The following PKP4 variants were observed in gnomAD, a reference collection of about 807,000 sequenced individuals.
The protein encoded by PKP4 is plakophilin 4.
In PKP4, 90 loss-of-function variants were observed where a neutral mutation model predicts 145.1. The observed-to-expected ratio is 0.62, with a 90% CI of 0.52 to 0.74. The LOEUF (loss-of-function observed/expected upper bound fraction) is 0.74. PKP4 is among the 30% of genes least tolerant of loss of function. PKP4 has a pLI of 0.00. For missense variants in PKP4, 1,340 were observed against 1,482.7 expected, an observed-to-expected ratio of 0.90 and a Z score of 1.58; for synonymous variants, 563 against 577.2, an observed-to-expected ratio of 0.98 and a Z score of 0.35.
chr2:158,658,669 T>C (rs1435385955), intron 12 of PKP4: 1 of 183,108 alleles, frequency 5.5e-6, no homozygotes, highest in Non-Finnish European at 1.1e-5. Context: ...CAAAATGTGA[T>C]GGTTAAAACC....
intron 1 of PKP4, among the ~76,000 whole-genome samples, chr2:158,458,820 C>CG (rs1689312784): frequency 6.6e-6 from 1 of 151,956 alleles, no homozygotes; most frequent in Admixed American, 6.6e-5. Context: ...CAGTTAAATT[C>CG]GGGACGTGTC....
intron 2 of PKP4, among the ~76,000 whole-genome samples, chr2:158,566,602 A>G (rs10804396): frequency 0.75 from 113,682 of 151,800 alleles, 43,328 homozygotes; most frequent in East Asian, 0.92. Context: ...AAATCTCACC[A>G]TGTTTTTTAT....
At chr2:158,604,270 C>T (rs573824937) in intron 4 of PKP4, among the ~76,000 whole-genome samples, 6 of 152,144 alleles carry the variant, frequency 3.9e-5, no homozygotes, top group South Asian at 2.1e-4. Flanking sequence ...ACAAGTGTCA[C>T]GGGAAGGGAA....
chr2:158,681,214 A>T lies in PKP4; in HGVS notation c.*537A>T, dbSNP rs2058404620. On this transcript the variant is annotated 3_prime_UTR_variant, in exon 22 of 22. Transcript: ENST00000389759. ...GAAAAGAGATTTGAAGAAACTGACA[A>T]CTTCAAAAACAAATGAGAAGCCCAA... 6.5e-6 allele frequency: 1 copy of T among 153,516 alleles called. No homozygotes were observed. The highest frequency in any genetic ancestry group is 6.5e-5 in the Admixed American group (1 of 15,398). 9.5% of individuals were successfully genotyped at this position (153,516 alleles called of 1,614,324 possible). A position where few individuals can be genotyped will look rare whatever the true frequency, so the allele number is the denominator to read the frequency against.
Position 158,456,957 on chromosome 2 carries a change from A to C in PKP4, c.-267A>C, listed in dbSNP as rs1374294975. ...GGCGGCGGCGGCCTCTGGGCAGTAG[A>C]GGGGGCTCCGGGGCTGAGTCCGCGT... On this transcript the variant is annotated 5_prime_UTR_variant, in exon 1 of 22. Coordinates refer to ENST00000389759, the MANE Select transcript of PKP4 (RefSeq NM_003628.6). 2 of 144,100 alleles carry C rather than the reference A, an allele frequency of 1.4e-5. No individual in the cohort carries two copies. The highest frequency in any genetic ancestry group is 5.2e-5 in the African/African-American group (2 of 38,364). 8.9% of individuals were successfully genotyped at this position (144,100 alleles called of 1,614,324 possible).
intron 1 of PKP4, among the ~76,000 whole-genome samples, chr2:158,482,453 A>T (rs1212874906): frequency 6.6e-6 from 1 of 152,162 alleles, no homozygotes; most frequent in African/African-American, 2.4e-5. Flanking sequence ...CTGGTTTATT[A>T]TGAAGTTTCT....
intron 1 of PKP4, among the ~76,000 whole-genome samples, chr2:158,529,187 A>G (rs1036139021): frequency 6.6e-6 from 1 of 152,160 alleles, no homozygotes. Context: ...TATTGCTCCA[A>G]CCTTTAATTT....
intron 3 of PKP4, among the ~76,000 whole-genome samples, chr2:158,583,961 A>G (rs1400141374): frequency 6.6e-6 from 1 of 152,122 alleles, no homozygotes; most frequent in East Asian, 1.9e-4. Context: ...CAACCCAGAA[A>G]CAGGTCGTCT....
intron 16 of PKP4, chr2:158,669,201 C>A (rs2057361279): frequency 6.6e-6 from 1 of 152,184 alleles, no homozygotes; most frequent in Non-Finnish European, 1.5e-5. Context: ...CACCTCAGCT[C>A]TATACACAAA....
chr2:158,467,444 G>A (rs1223255820), intron 1 of PKP4, among the ~76,000 whole-genome samples: 1 of 151,726 alleles, frequency 6.6e-6, no homozygotes, highest in African/African-American at 2.4e-5. Flanking sequence ...TACAGCTACT[G>A]AGGAAGCTGA....
At chr2:158,560,211 C>A (rs896589848) in intron 2 of PKP4, among the ~76,000 whole-genome samples, 6 of 152,194 alleles carry the variant, frequency 3.9e-5, no homozygotes, top group African/African-American at 1.4e-4. Flanking sequence ...ATAAAGAAAT[C>A]ATGCATTTTA....
Position 158,576,767 on chromosome 2 carries a change from G to A in PKP4, c.133-504G>A, listed in dbSNP as rs538390718. Among the ~76,000 whole-genome samples, 3 of 152,128 alleles carry A rather than the reference G, an allele frequency of 2.0e-5. No homozygotes were observed. The South Asian group carries it at 6.2e-4, about 32-fold the overall frequency. ...TGTTGGTTATATTATAGATAAATAC[G>A]GCAAGACTTTTTCTGTGGCATTGGA... On this transcript the variant is annotated intron_variant, in intron 2 of 21. Coordinates refer to ENST00000389759, the MANE Select transcript of PKP4 (RefSeq NM_003628.6).
intron 6 of PKP4, among the ~76,000 whole-genome samples, chr2:158,622,930 AT>A (rs969104870): frequency 2.6e-5 from 4 of 152,200 alleles, no homozygotes; most frequent in African/African-American, 9.6e-5. Context: ...ATCTATATAA[AT>A]TTTATTGCCC....
chr2:158,612,098 A>T (rs1197453853), intron 4 of PKP4, among the ~76,000 whole-genome samples: 1 of 151,864 alleles, frequency 6.6e-6, no homozygotes, highest in Non-Finnish European at 1.5e-5. Flanking sequence ...TACCATGACC[A>T]ACACACCTAC....
chr2:158,517,521 C>G (rs182183964), intron 1 of PKP4, among the ~76,000 whole-genome samples: 14 of 152,234 alleles, frequency 9.2e-5, no homozygotes, highest in African/African-American at 3.4e-4. Flanking sequence ...AGTTCAGGGT[C>G]TTATTTATCT....
intron 8 of PKP4, among the ~76,000 whole-genome samples, chr2:158,633,815 A>G (rs750363963): frequency 5.3e-5 from 8 of 152,210 alleles, no homozygotes; most frequent in Non-Finnish European, 1.0e-4. Flanking sequence ...CTGAACCTCA[A>G]TGAACATACT....
At chr2:158,657,871 G>C (rs1166850344) in intron 11 of PKP4, among the ~76,000 whole-genome samples, 1 of 152,072 alleles carries the variant, frequency 6.6e-6, no homozygotes, top group Admixed American at 6.5e-5. Flanking sequence ...CAGTCACCTT[G>C]CCTAATAGAT....
intron 1 of PKP4, among the ~76,000 whole-genome samples, chr2:158,509,178 T>C (rs1219753717): frequency 6.6e-6 from 1 of 152,166 alleles, no homozygotes; most frequent in African/African-American, 2.4e-5. Flanking sequence ...ATATCACATA[T>C]GACTTAGATT....
chr2:158,471,726 C>G (rs1051769820), intron 1 of PKP4, among the ~76,000 whole-genome samples: 6 of 152,180 alleles, frequency 3.9e-5, no homozygotes, highest in African/African-American at 7.2e-5. Context: ...TTTATTTCTT[C>G]TATTAAATGC....
Sources: allele counts gnomAD v4.1 joint callset (sites outside exome capture counted in the v4.1 genomes callset), GRCh38; gene constraint gnomAD v4.1.1; transcripts MANE v1.5; gene names NCBI Gene and HGNC (gene_info 2026-07-23, HGNC 2026-07-21).